CEP43: variants seen among roughly 807,000 people sequenced by gnomAD.
CEP43 encodes the protein FGFR1 oncogene partner.
In CEP43, 36 loss-of-function variants were observed where a neutral mutation model predicts 52.6. The ratio of observed to expected loss-of-function variants is 0.68; its 90% CI spans 0.52 to 0.90. CEP43 has a LOEUF of 0.90. Ranked by LOEUF, CEP43 falls within the 40% of genes least tolerant of loss-of-function variation. The probability of loss-of-function intolerance (pLI) is 0.00; values close to 1 mark genes in which losing one functional copy is unlikely to be tolerated. For synonymous variants in CEP43, 192 were observed against 172.4 expected, an observed-to-expected ratio of 1.11 and a Z score of -0.89; for missense variants, 506 against 472.8, an observed-to-expected ratio of 1.07 and a Z score of -0.65.
At chr6:167,020,918 A>G (rs1341719661) in intron 7 of CEP43, among the ~76,000 whole-genome samples, 6 of 150,762 alleles carry the variant, frequency 4.0e-5, no homozygotes, top group Admixed American at 4.0e-4. Flanking sequence ...CAAAAAAAAA[A>G]AAAAAAAAAA....
At position 167,050,613 on chromosome 6, in the gene CEP43, C is replaced by G. The variant is rs992541824; in HGVS notation, c.*10635C>G. On this transcript the variant is annotated 3_prime_UTR_variant, in exon 13 of 13. Transcript: ENST00000366847. ...CTAACATGGAGAACTCCTGTCTCTA[C>G]TAAAAATACAAAAATTAGTCAGGTG... The G allele has an allele frequency of 2.0e-5, 3 of 150,998 alleles. No homozygotes were observed. Among genetic ancestry groups the G allele is most frequent in the Non-Finnish European group, 4.4e-5 (3 of 67,958 alleles). 9.4% of individuals were successfully genotyped at this position (150,998 alleles called of 1,614,324 possible).
At position 167,010,820 on chromosome 6, in the gene CEP43, T is replaced by G. The variant is rs1246646693; in HGVS notation, c.446T>G (p.Leu149Arg). 6.4e-7 allele frequency: 1 copy of G among 1,552,556 alleles called. No individual in the cohort carries two copies. The highest frequency in any genetic ancestry group is 1.9e-5 in the Admixed American group (1 of 51,300). The change falls in exon 6 of 13, where the codon CTT (leucine) becomes CGT (arginine). Residue 149 changes from leucine (L) to arginine (R), a missense_variant. Transcript: ENST00000366847. ...TAAACTAAAATATTTTAGGGTGCAC[T>G]TGATCTATCTGATGTACATTCTCCA... Reference protein sequence around the residue: ...EKGPTTGEGALDLSDVHSPPK... With the variant: ...EKGPTTGEGARDLSDVHSPPK...
Position 167,042,421 on chromosome 6 carries a change from C to T in CEP43, c.*2443C>T, listed in dbSNP as rs922560528. Reference sequence around the variant, plus strand: ...AGCATTTATTCTCTTTGTTGATATTCGGTTGTGCTTTTATACTTTATGTTG... The same window carrying T: ...AGCATTTATTCTCTTTGTTGATATTTGGTTGTGCTTTTATACTTTATGTTG... On this transcript the variant is annotated 3_prime_UTR_variant, in exon 13 of 13. Coordinates refer to ENST00000366847, the MANE Select transcript of CEP43 (RefSeq NM_007045.4). 7.4e-6 allele frequency: 7 copies of T among 947,042 alleles called. No individual in the cohort carries two copies. The highest frequency in any genetic ancestry group is 3.5e-5 in the African/African-American group (2 of 56,698). 58.7% of individuals were successfully genotyped at this position (947,042 alleles called of 1,614,324 possible). A position where few individuals can be genotyped will look rare whatever the true frequency, so the allele number is the denominator to read the frequency against.
intron 5 of CEP43, among the ~76,000 whole-genome samples, chr6:167,005,370 T>C (rs966986624): frequency 1.3e-5 from 2 of 152,230 alleles, no homozygotes; most frequent in African/African-American, 4.8e-5. Context: ...AATAACAGTT[T>C]AAGATTATGG....
At chr6:167,014,420 A>G (rs1394923150) in intron 7 of CEP43, among the ~76,000 whole-genome samples, 3 of 152,216 alleles carry the variant, frequency 2.0e-5, no homozygotes, top group Non-Finnish European at 4.4e-5. Flanking sequence ...TGACTAATCC[A>G]GTAGATTAGC....
chr6:167,004,390 A>G lies in CEP43; in HGVS notation c.427A>G (p.Thr143Ala), dbSNP rs767097035. The G allele has an allele frequency of 7.6e-6, 12 of 1,589,056 alleles. No individual in the cohort carries two copies. Among genetic ancestry groups the G allele is most frequent in the Middle Eastern group, 1.7e-4 (1 of 5,964 alleles). ...RRCQQKEKGP[T>A]TGEGALDLSD... ...CTGTCAACAGAAAGAAAAAGGGCCA[A>G]CCACTGGGGAAGTAAGTAGAATTCT... The change falls in exon 5 of 13, where the codon ACC becomes GCC. Residue 143 changes from threonine to alanine, a missense_variant. Thr to Ala is a moderately conservative substitution (Grantham distance 58). Coordinates refer to ENST00000366847, the MANE Select transcript of CEP43 (RefSeq NM_007045.4).
chr6:167,041,830 CGGGGGGCG>C lies in CEP43; in HGVS notation c.*1859_*1866del. ...CAGCACTACATACATCTTTTTTTTG[CGGGGGGCG>C]GGGGGGACAGAGTCTCACTGTGTCA... On this transcript the variant is annotated 3_prime_UTR_variant, in exon 13 of 13. Coordinates refer to ENST00000366847, the MANE Select transcript of CEP43 (RefSeq NM_007045.4). 1.9e-4 allele frequency: 4 copies of C among 21,358 alleles called. No individual in the cohort carries two copies. The highest frequency in any genetic ancestry group is 2.4e-4 in the Non-Finnish European group (4 of 16,652). The allele number at this position is 21,358 out of a possible 1,614,324, so 1.3% of individuals were successfully genotyped here.
In CEP43 at chr6:167,030,217, C is replaced by A. The variant is rs138561063; in HGVS notation, c.989-2386C>A. Among the ~76,000 whole-genome samples, 6 of 152,284 alleles carry A rather than the reference C, an allele frequency of 3.9e-5. No homozygotes were observed. The South Asian group carries it at 6.2e-4, about 16-fold the overall frequency. On this transcript the variant is annotated intron_variant, in intron 10 of 12. Coordinates refer to ENST00000366847, the MANE Select transcript of CEP43 (RefSeq NM_007045.4). ...GAATCCAGTTAGCTTTCTTTAAATCCACATTGCAGCCACAGCCGTCCTCGC... is the reference window on the plus strand; with the variant it reads ...GAATCCAGTTAGCTTTCTTTAAATCAACATTGCAGCCACAGCCGTCCTCGC...
At chr6:167,030,419 C>A (rs1341951420) in intron 10 of CEP43, among the ~76,000 whole-genome samples, 1 of 152,198 alleles carries the variant, frequency 6.6e-6, no homozygotes, top group East Asian at 1.9e-4. Context: ...CTTCTCGGCC[C>A]TGACAGTGCC....
chr6:167,013,712 G>T lies in CEP43; in HGVS notation c.579+145G>T, dbSNP rs576350331. ...CTTGAGGCTGGGCTAGGTGGCTCACGCCTGTAATCCCAGCACTTTGGGAGT... is the reference window on the plus strand; with the variant it reads ...CTTGAGGCTGGGCTAGGTGGCTCACTCCTGTAATCCCAGCACTTTGGGAGT... On this transcript the variant is annotated intron_variant, in intron 7 of 12. Coordinates refer to ENST00000366847, the MANE Select transcript of CEP43 (RefSeq NM_007045.4). 274 of 631,424 alleles carry T rather than the reference G, an allele frequency of 4.3e-4. 1 individual carries two copies. Among genetic ancestry groups the T allele is most frequent in the Non-Finnish European group, 6.7e-4 (241 of 359,352 alleles). The allele number at this position is 631,424 out of a possible 1,614,324, so 39.1% of individuals were successfully genotyped here.
chr6:167,037,376 C>T (rs1041489087), intron 12 of CEP43, among the ~76,000 whole-genome samples: 6 of 152,028 alleles, frequency 3.9e-5, no homozygotes, highest in Non-Finnish European at 7.4e-5. Flanking sequence ...ACTTTGTAAA[C>T]GAGATGGAAT....
Position 167,051,842 on chromosome 6 carries a change from A to G in CEP43, c.*11864A>G, listed in dbSNP as rs2181058. ...TTTAGCCTATTTATATCTTTGAATCAAAAGTTTGTCTCCTGTAGATAGCAT... is the reference window on the plus strand; with the variant it reads ...TTTAGCCTATTTATATCTTTGAATCGAAAGTTTGTCTCCTGTAGATAGCAT... On this transcript the variant is annotated 3_prime_UTR_variant, in exon 13 of 13. Coordinates refer to ENST00000366847, the MANE Select transcript of CEP43 (RefSeq NM_007045.4). 6.6e-6 allele frequency: 1 copy of G among 151,958 alleles called. No individual in the cohort carries two copies. Among genetic ancestry groups the G allele is most frequent in the Non-Finnish European group, 1.5e-5 (1 of 67,978 alleles). The allele number at this position is 151,958 out of a possible 1,614,324, so 9.4% of individuals were successfully genotyped here.
rs747825547 is a variant in CEP43 at position 167,042,531 on chromosome 6, C to T, written c.*2553C>T. On this transcript the variant is annotated 3_prime_UTR_variant, in exon 13 of 13. Coordinates refer to ENST00000366847, the MANE Select transcript of CEP43 (RefSeq NM_007045.4). ...AGCTCTTCCTCCCCTCCTTACTTCCCTCTCCTGCCCATGCACCAGAGCTGT... is the reference window on the plus strand; with the variant it reads ...AGCTCTTCCTCCCCTCCTTACTTCCTTCTCCTGCCCATGCACCAGAGCTGT... The T allele has an allele frequency of 1.9e-4, 42 of 218,272 alleles. No homozygotes were observed. The highest frequency in any genetic ancestry group is 2.6e-4 in the Non-Finnish European group (33 of 128,274). The allele number at this position is 218,272 out of a possible 1,614,324, so 13.5% of individuals were successfully genotyped here.
chr6:167,010,132 A>G (rs773028179), intron 5 of CEP43, among the ~76,000 whole-genome samples: 9 of 152,256 alleles, frequency 5.9e-5, no homozygotes, highest in Non-Finnish European at 1.3e-4. Flanking sequence ...AGTATTTACT[A>G]TGTACAGTGT....
chr6:167,030,841 C>T (rs935804287), intron 10 of CEP43, among the ~76,000 whole-genome samples: 1 of 141,934 alleles, frequency 7.0e-6, no homozygotes, highest in Non-Finnish European at 1.6e-5. Flanking sequence ...TTTTTCACTC[C>T]TGTCTTCCCC....
chr6:166,999,438 T>G lies in CEP43; in HGVS notation c.26T>G (p.Val9Gly). The change falls in exon 1 of 13, where the codon GTG becomes GGG. Residue 9 changes from valine to glycine, a missense_variant. Val to Gly is a moderately radical substitution (Grantham distance 109). Coordinates refer to ENST00000366847, the MANE Select transcript of CEP43 (RefSeq NM_007045.4). MAATAAAV[V>G]AEEDTELRDL... The stretch of plus-strand genomic sequence containing the variant: ...ATGGCGGCGACGGCGGCCGCAGTGG[T>G]GGCCGAGGAGGACACGGAGCTGCGG... The G allele has an allele frequency of 1.4e-6, 2 of 1,479,104 alleles. No individual in the cohort carries two copies. Among genetic ancestry groups the G allele is most frequent in the Non-Finnish European group, 1.8e-6 (2 of 1,112,214 alleles). The allele number at this position is 1,479,104 out of a possible 1,614,324, so 91.6% of individuals were successfully genotyped here.
intron 9 of CEP43, among the ~76,000 whole-genome samples, chr6:167,025,958 C>T (rs1308259180): frequency 1.3e-5 from 2 of 152,138 alleles, no homozygotes; most frequent in Non-Finnish European, 2.9e-5. Context: ...AAATAATTAA[C>T]AGTCTATGAA....
chr6:167,029,222 G>GTA, intron 10 of CEP43, among the ~76,000 whole-genome samples: 1 of 152,352 alleles, frequency 6.6e-6, no homozygotes, highest in South Asian at 2.1e-4. Flanking sequence ...GATGACTGGG[G>GTA]TAAGGGCAGA....
chr6:167,010,758 G>GT, intron 5 of CEP43, 55 bp from the exon 6 acceptor site: 1 of 823,598 alleles, frequency 1.2e-6, no homozygotes, highest in Non-Finnish European at 1.8e-6. Context: ...AGTGTAATTG[G>GT]TATATTTGTG....
Sources: gnomAD v4.1 joint callset for allele counts (sites outside exome capture counted in the v4.1 genomes callset) on GRCh38, gnomAD v4.1.1 for gene constraint, MANE v1.5 for transcripts, NCBI Gene and HGNC (gene_info 2026-07-23, HGNC 2026-07-21) for gene names.